Variants in PCDHGA2 observed in about 807,000 individuals in gnomAD.
The protein encoded by PCDHGA2 is protocadherin gamma subfamily A, 2.
Under a neutral mutation model 59.2 loss-of-function variants are expected in PCDHGA2, and 40 were observed. That is an observed-to-expected ratio of 0.68 (90% confidence interval 0.52 to 0.88). The LOEUF (loss-of-function observed/expected upper bound fraction) is 0.88, where lower values mean the gene tolerates loss of function less well. Ranked by LOEUF, PCDHGA2 falls within the 40% of genes least tolerant of loss-of-function variation. PCDHGA2 has a pLI of 0.00. For synonymous variants in PCDHGA2, 560 were observed against 526.0 expected, an observed-to-expected ratio of 1.06 and a Z score of -0.89; for missense variants, 1,226 against 1,204.0, an observed-to-expected ratio of 1.02 and a Z score of -0.27.
chr5:141,374,409 T>C (rs1392651465), intron 1 of PCDHGA2: 24 of 1,613,920 alleles, frequency 1.5e-5, no homozygotes, highest in Non-Finnish European at 1.9e-5. Context: ...TTTAACATCC[T>C]TGTCGAGGAT....
Position 141,510,868 on chromosome 5 carries a change from T to C in PCDHGA2, c.2573-79T>C, listed in dbSNP as rs2099883142. 40 of 1,608,466 alleles carry C rather than the reference T, an allele frequency of 2.5e-5. No homozygotes were observed. The Middle Eastern group carries it at 4.9e-4, about 20-fold the overall frequency. On this transcript the variant is annotated intron_variant, in intron 3 of 3. Transcript: ENST00000394576. The stretch of plus-strand genomic sequence containing the variant: ...GCCCAGGGTGCTGTATAGGCATTCA[T>C]TAACTGCTGGGGATATAAGACAGTG...
chr5:141,449,900 A>G (rs2098658617), intron 1 of PCDHGA2, among the ~76,000 whole-genome samples: 2 of 151,878 alleles, frequency 1.3e-5, no homozygotes, highest in South Asian at 2.1e-4. Context: ...TATTTAGCCT[A>G]TAGTCCATAT....
chr5:141,422,908 C>G, intron 1 of PCDHGA2: 1 of 1,614,244 alleles, frequency 6.2e-7, no homozygotes, highest in Non-Finnish European at 8.5e-7. Flanking sequence ...CGACAATGCG[C>G]CCGAGATCCT....
chr5:141,424,353 T>C (rs923306479), intron 1 of PCDHGA2: 1 of 152,246 alleles, frequency 6.6e-6, no homozygotes, highest in African/African-American at 2.4e-5. Flanking sequence ...GGAGATAAAA[T>C]TTAGATCACA....
intron 1 of PCDHGA2, chr5:141,395,097 G>C (rs376460647): frequency 1.9e-6 from 3 of 1,614,158 alleles, no homozygotes; most frequent in Non-Finnish European, 2.5e-6. Flanking sequence ...CCTCACCGCC[G>C]ACTCGCGGAA....
At chr5:141,400,341 C>T in intron 1 of PCDHGA2, 7 of 1,614,070 alleles carry the variant, frequency 4.3e-6, no homozygotes, top group Non-Finnish European at 5.9e-6. Flanking sequence ...TTCCCCCCAA[C>T]TACAGTCAGG....
In PCDHGA2 at chr5:141,420,274, GGTAA is replaced by G. The variant is rs1362175190; in HGVS notation, c.2425-74529_2425-74526del. 5.9e-6 allele frequency: 9 copies of G among 1,525,426 alleles called. 1 individual carries two copies. The highest frequency in any genetic ancestry group is 2.1e-5 in the Admixed American group (1 of 48,284). 94.5% of individuals were successfully genotyped at this position (1,525,426 alleles called of 1,614,324 possible). On this transcript the variant is annotated intron_variant, in intron 1 of 3. Coordinates refer to ENST00000394576, the MANE Select transcript of PCDHGA2 (RefSeq NM_018915.4). ...AAGCAGATAAGAAGATTCTTAAACAGGTAAGTATTTAAAAATGTATTTAATCCTT... is the reference window on the plus strand; with the variant it reads ...AAGCAGATAAGAAGATTCTTAAACAGGTATTTAAAAATGTATTTAATCCTT...
intron 1 of PCDHGA2, chr5:141,351,781 C>T: frequency 1.2e-6 from 2 of 1,613,438 alleles, no homozygotes; most frequent in Non-Finnish European, 1.7e-6. Context: ...GCCCGCAGAG[C>T]GGGGTGGTGT....
At chr5:141,346,295 C>A in intron 1 of PCDHGA2, 6 of 1,614,214 alleles carry the variant, frequency 3.7e-6, no homozygotes, top group Non-Finnish European at 5.1e-6. Flanking sequence ...AGACCTATTC[C>A]CACGAGGTCT....
At chr5:141,365,516 A>C (rs778402977) in intron 1 of PCDHGA2, 1 of 1,613,878 alleles carries the variant, frequency 6.2e-7, no homozygotes, top group South Asian at 1.1e-5. Flanking sequence ...TAAATTGGAG[A>C]AGTCAGTTGA....
At chr5:141,342,229 GC>G (rs1377503678) in intron 1 of PCDHGA2, 1 of 151,854 alleles carries the variant, frequency 6.6e-6, no homozygotes, top group Non-Finnish European at 1.5e-5. Context: ...TCATACAATT[GC>G]CCAGAACCAA....
intron 1 of PCDHGA2, chr5:141,356,782 C>A (rs745488065): frequency 6.7e-5 from 108 of 1,613,860 alleles, no homozygotes; most frequent in Non-Finnish European, 1.7e-5. Context: ...GTTTAGAGAC[C>A]TGCAGCTGCT....
intron 1 of PCDHGA2, among the ~76,000 whole-genome samples, chr5:141,358,427 A>G (rs1311834946): frequency 1.3e-5 from 2 of 152,186 alleles, no homozygotes; most frequent in Admixed American, 6.5e-5. Flanking sequence ...GGTATTTTCC[A>G]TTATAACAGG....
At chr5:141,421,720 G>A (rs372813759) in intron 1 of PCDHGA2, 4 of 1,613,788 alleles carry the variant, frequency 2.5e-6, no homozygotes, top group Non-Finnish European at 3.4e-6. Context: ...AGATGTGGGC[G>A]TGAACTCCCT....
Position 141,375,902 on chromosome 5 carries a change from C to A in PCDHGA2, c.2424+34507C>A. The stretch of plus-strand genomic sequence containing the variant: ...GGGCCAGAACGCCTGGCTGTCCTAC[C>A]GCCTGCTCAAGGCCAGCGAGCCAGG... On this transcript the variant is annotated intron_variant, in intron 1 of 3. Coordinates refer to ENST00000394576, the MANE Select transcript of PCDHGA2 (RefSeq NM_018915.4). 5 of 1,613,784 alleles carry A rather than the reference C, an allele frequency of 3.1e-6. No individual in the cohort carries two copies. The Admixed American group carries it at 5.0e-5, about 16-fold the overall frequency.
chr5:141,360,990 C>T (rs1486053605), intron 1 of PCDHGA2: 1 of 1,613,336 alleles, frequency 6.2e-7, no homozygotes, highest in Non-Finnish European at 8.5e-7. Context: ...ATAATGTGGA[C>T]GAACAAGTGA....
At chr5:141,424,245 A>T (rs1196753393) in intron 1 of PCDHGA2, 3 of 155,310 alleles carry the variant, frequency 1.9e-5, no homozygotes, top group African/African-American at 7.2e-5. Context: ...GGTGGCTGGT[A>T]ATATGCTTAG....
At chr5:141,389,984 C>A (rs1388496409) in intron 1 of PCDHGA2, 1 of 1,613,952 alleles carries the variant, frequency 6.2e-7, no homozygotes, top group East Asian at 2.2e-5. Flanking sequence ...TCTCAGTGCT[C>A]TTCCTCGTGG....
Position 141,487,272 on chromosome 5 carries a change from T to C in PCDHGA2, c.2425-7535T>C. 6.2e-7 allele frequency: 1 copy of C among 1,614,148 alleles called. No homozygotes were observed. The highest frequency in any genetic ancestry group is 8.5e-7 in the Non-Finnish European group (1 of 1,180,036). Reference sequence around the variant, plus strand: ...TACTTGGCTGTGTCCCTAGTGGCAATTTGCTTTGTCTCCTTTGGCTCATTC... The same window carrying C: ...TACTTGGCTGTGTCCCTAGTGGCAACTTGCTTTGTCTCCTTTGGCTCATTC... On this transcript the variant is annotated intron_variant, in intron 1 of 3. Coordinates refer to ENST00000394576, the MANE Select transcript of PCDHGA2 (RefSeq NM_018915.4). This position sits in a 1 kb window ranked among gnomAD's most constrained non-coding sequence, Gnocchi z 5.0.
Sources: gnomAD v4.1 joint callset for allele counts (sites outside exome capture counted in the v4.1 genomes callset) on GRCh38, gnomAD v4.1.1 for gene constraint, Gnocchi (gnomAD v3.1) non-coding constraint, MANE v1.5 for transcripts, NCBI Gene and HGNC (gene_info 2026-07-23, HGNC 2026-07-21) for gene names.